The following PPIP5K1 variants were observed in gnomAD, a reference collection of about 807,000 sequenced individuals.
PPIP5K1 encodes the protein diphosphoinositol pentakisphosphate kinase 1, also known as inositol hexakisphosphate and diphosphoinositol-pentakisphosphate kinase 1.
PPIP5K1 carries 6 observed loss-of-function variants against 27.7 expected under a neutral mutation model. The observed-to-expected ratio is 0.22, with a 90% CI of 0.12 to 0.43. PPIP5K1 has a LOEUF of 0.43. Among genes scored for constraint, PPIP5K1 ranks in the 20% least tolerant of loss-of-function variants. The pLI is 1.00. For missense variants in PPIP5K1, 394 were observed against 635.4 expected (o/e 0.62, Z 4.08); for synonymous variants, 145 against 242.6 (o/e 0.60, Z 3.74).
At chr15:43,542,664 G>GTT (rs201947946) in intron 30 of PPIP5K1, among the ~76,000 whole-genome samples, 6,211 of 148,754 alleles carry the variant, frequency 0.042, 207 homozygotes, top group African/African-American at 0.085. Flanking sequence ...GTGTGTGTGT[G>GTT]TGTGTGTGTG....
Position 43,534,681 on chromosome 15 carries a change from A to G in PPIP5K1, c.4466T>C (p.Ile1489Thr), listed in dbSNP as rs757153203. The change falls in exon 32 of 32, where the codon ATA becomes ACA. Residue 1489 changes from isoleucine to threonine, a missense_variant. Ile to Thr is a moderately conservative substitution (Grantham distance 89). Around this residue, in one of 4 missense-constraint regions of PPIP5K1, gnomAD observed 379 missense variants for 423.9 expected, o/e 0.89. Coordinates refer to ENST00000420765, the MANE Select transcript of PPIP5K1 (RefSeq NM_001394395.1). ...AGGGACCACCCAGGACTTCTAATTT[A>G]TCTCCTCAGGGACCTCCTGGGCCTG... Reference protein sequence around the residue: ...DLQAQEVPEEIN With the variant: ...DLQAQEVPEETN 2.6e-6 allele frequency: 4 copies of G among 1,520,442 alleles called. No individual in the cohort carries two copies. In the East Asian group the frequency reaches 9.1e-5, roughly 34 times the overall value. 94.2% of individuals were successfully genotyped at this position (1,520,442 alleles called of 1,614,324 possible).
At chr15:43,544,018 C>CT (rs1230769612) in intron 30 of PPIP5K1, among the ~76,000 whole-genome samples, 21 of 151,744 alleles carry the variant, frequency 1.4e-4, no homozygotes, top group Admixed American at 1.2e-3. Context: ...TCATTTCTTT[C>CT]TTTTTTTGCA....
At chr15:43,546,015 A>G (rs964080923) in intron 30 of PPIP5K1, among the ~76,000 whole-genome samples, 46 of 148,194 alleles carry the variant, frequency 3.1e-4, no homozygotes, top group Middle Eastern at 3.5e-3. Context: ...TTTATGGGGA[A>G]AAAAAAAAAA....
chr15:43,534,625 T>C lies in PPIP5K1; in HGVS notation c.*49A>G, dbSNP rs773452670. On this transcript the variant is annotated 3_prime_UTR_variant, in exon 32 of 32. Coordinates refer to ENST00000420765, the MANE Select transcript of PPIP5K1 (RefSeq NM_001394395.1). ...CCAGATGGATGCTGGGCTTGAGGAA[T>C]ACCCTCTCCAGGCAGCTGATCAATC... is the stretch of plus-strand genomic sequence containing the variant. The C allele has an allele frequency of 6.8e-7, 1 of 1,472,674 alleles. No individual in the cohort carries two copies. The highest frequency in any genetic ancestry group is 2.3e-5 in the Admixed American group (1 of 42,908). The allele number at this position is 1,472,674 out of a possible 1,614,324, so 91.2% of individuals were successfully genotyped here.
intron 30 of PPIP5K1, among the ~76,000 whole-genome samples, chr15:43,551,068 T>C (rs1017798760): frequency 2.6e-5 from 4 of 152,248 alleles, no homozygotes; most frequent in African/African-American, 4.8e-5. Flanking sequence ...TATGGTGTCA[T>C]CTGAAATGTG....
chr15:43,551,203 G>GT (rs897089055), intron 30 of PPIP5K1, among the ~76,000 whole-genome samples: 39 of 152,110 alleles, frequency 2.6e-4, no homozygotes, highest in African/African-American at 9.4e-4. Flanking sequence ...TAGACTTTTT[G>GT]TTTTTTGGAG....
intron 30 of PPIP5K1, among the ~76,000 whole-genome samples, chr15:43,549,078 T>TAC (rs2081870915): frequency 8.5e-6 from 1 of 117,610 alleles, no homozygotes; most frequent in South Asian, 2.7e-4. Context: ...TATATATATA[T>TAC]ATACATATAT....
chr15:43,535,598 C>A, intron 31 of PPIP5K1, 122 bp from the exon 32 acceptor site: 3 of 784,906 alleles, frequency 3.8e-6, no homozygotes, highest in Non-Finnish European at 6.0e-6. Context: ...GAAGAGTGTC[C>A]AAATTCTTCC....
Position 43,535,254 on chromosome 15 carries a change from T to C in PPIP5K1, c.3893A>G (p.Gln1298Arg). The change falls in exon 32 of 32, where the codon CAG becomes CGG. Residue 1298 changes from glutamine to arginine, a missense_variant. Physicochemically the swap from Gln to Arg is conservative, Grantham distance 43. Around this residue, in one of 4 missense-constraint regions of PPIP5K1, gnomAD observed 379 missense variants for 423.9 expected, o/e 0.89. Coordinates refer to ENST00000420765, the MANE Select transcript of PPIP5K1 (RefSeq NM_001394395.1). ...CTGGCTGGTTTCCATAGGTGGCACC[T>C]GTGGGGACTGATTTGGTTCAAAAAG... ...QELFEPNQSP[Q>R]VPPMETSQPY... The C allele has an allele frequency of 6.2e-7, 1 of 1,614,194 alleles. No individual in the cohort carries two copies. Among genetic ancestry groups the C allele is most frequent in the Non-Finnish European group, 8.5e-7 (1 of 1,180,038 alleles).
intron 31 of PPIP5K1, chr15:43,536,074 GT>G: frequency 1.6e-6 from 2 of 1,279,348 alleles, no homozygotes; most frequent in Non-Finnish European, 2.0e-6. Context: ...CAAATGATAA[GT>G]TGGCAGAAGA....
rs189478281 is a variant in PPIP5K1 at position 43,554,121 on chromosome 15, G to C, written c.3556+4674C>G. Among the ~76,000 whole-genome samples the C allele has an allele frequency of 1.1e-3, 160 of 152,280 alleles. 1 individual carries two copies. Among genetic ancestry groups the C allele is most frequent in the Middle Eastern group, 6.8e-3 (2 of 294 alleles). ...TCACACCACTCCAGCCTGGGCAACA[G>C]AGCAAGACTCTGTCTCTAAAAATAA... On this transcript the variant is annotated intron_variant, in intron 30 of 31. Coordinates refer to ENST00000420765, the MANE Select transcript of PPIP5K1 (RefSeq NM_001394395.1).
At chr15:43,558,066 T>A (rs1289072605) in intron 30 of PPIP5K1, among the ~76,000 whole-genome samples, 2 of 82,284 alleles carry the variant, frequency 2.4e-5, no homozygotes, top group Non-Finnish European at 3.9e-5. Context: ...GCAATTATCC[T>A]TTTTTTTTTT....
chr15:43,548,993 A>G (rs2081766317), intron 30 of PPIP5K1, among the ~76,000 whole-genome samples: 1 of 129,286 alleles, frequency 7.7e-6, no homozygotes. Context: ...GCGCCACTGC[A>G]CCCAAGCCTG....
intron 31 of PPIP5K1, among the ~76,000 whole-genome samples, chr15:43,536,574 T>C (rs1368837365): frequency 6.6e-6 from 1 of 152,208 alleles, no homozygotes; most frequent in Non-Finnish European, 1.5e-5. Flanking sequence ...ATATTCACAC[T>C]AATCTTTACA....
intron 30 of PPIP5K1, among the ~76,000 whole-genome samples, chr15:43,546,389 T>G (rs1473689915): frequency 6.6e-6 from 1 of 152,212 alleles, no homozygotes; most frequent in East Asian, 1.9e-4. Context: ...CTTGAATTCC[T>G]GGGTTCAAGT....
At chr15:43,552,123 T>C (rs944387657) in intron 30 of PPIP5K1, among the ~76,000 whole-genome samples, 2 of 152,040 alleles carry the variant, frequency 1.3e-5, no homozygotes, top group African/African-American at 4.8e-5. Context: ...TTGGCTAATT[T>C]TAAAGTTTTT....
At position 43,534,737 on chromosome 15, in the gene PPIP5K1, T is replaced by C; in HGVS notation, c.4410A>G (p.Pro1470=). ...CAATCTCCTCAGGGAACTCTTGGGA[T>C]GGTTTATCAATCTCAGGGATGCCCT... The part of the protein sequence containing the change: ...LSQGIPEIDK[P]SQEFPEEIDL... Residue 1470 remains proline, a synonymous_variant, in exon 32 of 32, where the codon CCA becomes CCG. Transcript: ENST00000420765. 6.5e-7 allele frequency: 1 copy of C among 1,546,148 alleles called. No individual in the cohort carries two copies. Among genetic ancestry groups the C allele is most frequent in the Non-Finnish European group, 8.7e-7 (1 of 1,149,738 alleles).
chr15:43,546,810 C>T (rs780117792), intron 30 of PPIP5K1, among the ~76,000 whole-genome samples: 143 of 151,848 alleles, frequency 9.4e-4, no homozygotes, highest in Non-Finnish European at 1.7e-3. Flanking sequence ...GTGTGCACCA[C>T]CATGCCCAGG....
chr15:43,557,979 C>T (rs978875156), intron 30 of PPIP5K1, among the ~76,000 whole-genome samples: 2 of 151,522 alleles, frequency 1.3e-5, no homozygotes, highest in African/African-American at 4.9e-5. Flanking sequence ...TCATTCTTCA[C>T]TGTTCTTGGT....
Sources: gnomAD v4.1 joint callset for allele counts (sites outside exome capture counted in the v4.1 genomes callset) on GRCh38, gnomAD v4.1.1 for gene constraint, gnomAD v4.1.1 regional missense constraint, MANE v1.5 for transcripts, NCBI Gene and HGNC (gene_info 2026-07-23, HGNC 2026-07-21) for gene names.